Variants in NRG3 observed in about 807,000 individuals in gnomAD.
NRG3 encodes neuregulin 3, also known as pro-neuregulin-3, membrane-bound isoform.
Under a neutral mutation model 66.9 loss-of-function variants are expected in NRG3, and 31 were observed. That is an observed-to-expected ratio of 0.46 (90% confidence interval 0.35 to 0.63). NRG3 has a LOEUF of 0.63. NRG3 is among the 20% of genes least tolerant of loss of function. The probability of loss-of-function intolerance (pLI) is 0.00; values close to 1 mark genes in which losing one functional copy is unlikely to be tolerated. For missense variants in NRG3, 910 were observed against 878.9 expected (o/e 1.04, Z -0.45); for synonymous variants, 393 against 359.4 (o/e 1.09, Z -1.06).
chr10:82,674,260 A>G (rs1453682090), intron 2 of NRG3, among the ~76,000 whole-genome samples: 1 of 152,194 alleles, frequency 6.6e-6, no homozygotes, highest in African/African-American at 2.4e-5. Context: ...TCTAGTTGAC[A>G]TTCTTGCCTA....
intron 2 of NRG3, among the ~76,000 whole-genome samples, chr10:82,523,276 A>G (rs1245515922): frequency 6.6e-6 from 1 of 152,158 alleles, no homozygotes; most frequent in African/African-American, 2.4e-5. Context: ...GTATATATCT[A>G]GGAGTAGAAT....
At position 82,895,864 on chromosome 10, in the gene NRG3, G is replaced by A. The variant is rs182218316; in HGVS notation, c.1054+30427G>A. ...AGCTGGTTTGAGTCACCAGTCTGCT[G>A]TTTACTGGCTGGCCTAATGTCATTT... On this transcript the variant is annotated intron_variant, in intron 4 of 8. Transcript: ENST00000372141. 2.0e-5 allele frequency among the ~76,000 whole-genome samples: 3 copies of A among 152,270 alleles called. No individual in the cohort carries two copies. The East Asian group carries it at 5.8e-4, about 29-fold the overall frequency.
chr10:81,943,225 G>GA (rs1333293734), intron 1 of NRG3, among the ~76,000 whole-genome samples: 3 of 151,790 alleles, frequency 2.0e-5, no homozygotes, highest in African/African-American at 4.8e-5. Flanking sequence ...CTACAAACAT[G>GA]AAAAAAATAG....
chr10:82,252,760 C>A (rs1215873484), intron 1 of NRG3, among the ~76,000 whole-genome samples: 1 of 152,098 alleles, frequency 6.6e-6, no homozygotes, highest in Non-Finnish European at 1.5e-5. Context: ...AGAGTATAAT[C>A]AGTACCAAAA....
At chr10:82,750,739 C>T (rs913984894) in intron 3 of NRG3, among the ~76,000 whole-genome samples, 1 of 152,056 alleles carries the variant, frequency 6.6e-6, no homozygotes, top group African/African-American at 2.4e-5. Flanking sequence ...CTGCTGAGTC[C>T]ACATTTTAGC....
intron 3 of NRG3, among the ~76,000 whole-genome samples, chr10:82,845,466 G>A (rs1207288055): frequency 6.6e-6 from 1 of 152,076 alleles, no homozygotes; most frequent in Non-Finnish European, 1.5e-5. Context: ...TTGTGATACT[G>A]GAAGGAAAAC....
chr10:82,228,934 A>G (rs1162222379), intron 1 of NRG3: 2 of 152,288 alleles, frequency 1.3e-5, no homozygotes, highest in African/African-American at 2.4e-5. Context: ...TACCACTTGT[A>G]TGAAAGGAGT....
At chr10:82,675,480 G>C (rs1264990984) in intron 2 of NRG3, among the ~76,000 whole-genome samples, 1 of 152,158 alleles carries the variant, frequency 6.6e-6, no homozygotes, top group Non-Finnish European at 1.5e-5. Flanking sequence ...CCAATCTTAG[G>C]TTCAATAATA....
intron 1 of NRG3, chr10:82,166,609 T>C (rs1483866999): frequency 6.4e-6 from 2 of 311,984 alleles, no homozygotes; most frequent in Non-Finnish European, 1.1e-5. Context: ...TCAATAATTG[T>C]TTAAGGATAT....
chr10:81,984,955 A>T (rs971595962), intron 1 of NRG3, among the ~76,000 whole-genome samples: 5 of 152,222 alleles, frequency 3.3e-5, no homozygotes, highest in Non-Finnish European at 7.3e-5. Flanking sequence ...CATAAATAGC[A>T]AAGGCTTTAG....
chr10:82,412,094 A>G (rs1328988338), intron 2 of NRG3, among the ~76,000 whole-genome samples: 1 of 152,136 alleles, frequency 6.6e-6, no homozygotes, highest in African/African-American at 2.4e-5. Context: ...CATTTTAAAA[A>G]TGTCAGTAGT....
intron 4 of NRG3, among the ~76,000 whole-genome samples, chr10:82,866,380 G>T (rs1414783819): frequency 6.6e-6 from 1 of 152,118 alleles, no homozygotes; most frequent in Non-Finnish European, 1.5e-5. Flanking sequence ...GTGTTGATTT[G>T]GGATAGCTTT....
At chr10:81,924,353 C>G (rs1846557571) in intron 1 of NRG3, among the ~76,000 whole-genome samples, 1 of 152,218 alleles carries the variant, frequency 6.6e-6, no homozygotes, top group Admixed American at 6.5e-5. Flanking sequence ...AGTTACACCA[C>G]AATGTAAATA....
At chr10:82,641,001 C>G (rs2050534964) in intron 2 of NRG3, among the ~76,000 whole-genome samples, 1 of 133,994 alleles carries the variant, frequency 7.5e-6, no homozygotes, top group African/African-American at 2.8e-5. Context: ...TTAAATTTTT[C>G]AGTCTGTCGT....
intron 1 of NRG3, among the ~76,000 whole-genome samples, chr10:82,353,568 C>T (rs1339172535): frequency 1.3e-4 from 20 of 152,126 alleles, no homozygotes; most frequent in Admixed American, 1.3e-3. Flanking sequence ...CCCTGACCTC[C>T]CTGGGGATAG....
intron 2 of NRG3, among the ~76,000 whole-genome samples, chr10:82,464,662 T>C (rs181538032): frequency 3.9e-5 from 6 of 152,240 alleles, no homozygotes; most frequent in African/African-American, 1.4e-4. Context: ...GCTGTGCTTC[T>C]AGGCTAAAAT....
intron 1 of NRG3, among the ~76,000 whole-genome samples, chr10:81,937,974 C>G (rs997120293): frequency 6.6e-6 from 1 of 151,978 alleles, no homozygotes; most frequent in South Asian, 2.1e-4. Context: ...TCCAGTTTTC[C>G]TGATACCATT....
chr10:82,260,065 G>A (rs562422335), intron 1 of NRG3, among the ~76,000 whole-genome samples: 10 of 152,074 alleles, frequency 6.6e-5, no homozygotes, highest in Non-Finnish European at 1.3e-4. Flanking sequence ...CACAAAATAC[G>A]CATTCATTTC....
intron 2 of NRG3, among the ~76,000 whole-genome samples, chr10:82,535,336 A>G (rs1590546104): frequency 6.6e-6 from 1 of 151,962 alleles, no homozygotes; most frequent in Admixed American, 6.6e-5. Context: ...TGTAGATATT[A>G]CACAGGTAAT....
Sources: gnomAD v4.1 joint callset for allele counts (sites outside exome capture counted in the v4.1 genomes callset) on GRCh38, gnomAD v4.1.1 for gene constraint, MANE v1.5 for transcripts, NCBI Gene and HGNC (gene_info 2026-07-23, HGNC 2026-07-21) for gene names.